The following PCDHGA4 variants were observed in gnomAD, a reference collection of about 807,000 sequenced individuals.
The protein encoded by PCDHGA4 is protocadherin gamma subfamily A, 4.
PCDHGA4 carries 38 observed loss-of-function variants against 54.6 expected under a neutral mutation model. That is an observed-to-expected ratio of 0.70 (90% CI 0.54 to 0.91). The LOEUF is 0.91. Ranked by LOEUF, PCDHGA4 falls within the 40% of genes least tolerant of loss-of-function variation. PCDHGA4 has a pLI of 0.00. For synonymous variants in PCDHGA4, 511 were observed against 512.9 expected (o/e 1.00, Z 0.05); for missense variants, 1,298 against 1,220.9 (o/e 1.06, Z -0.94).
rs774780380 is a variant in PCDHGA4 at position 141,432,864 on chromosome 5, G to C, written c.2515-61943G>C. Reference sequence around the variant, plus strand: ...GTGGTAGCGGTGGCCGCGGTCTCCTGCGTCTTCCTGGCCTTCGTCATCTTG... The same window carrying C: ...GTGGTAGCGGTGGCCGCGGTCTCCTCCGTCTTCCTGGCCTTCGTCATCTTG... On this transcript the variant is annotated intron_variant, in intron 1 of 3. Coordinates refer to ENST00000571252, the MANE Select transcript of PCDHGA4 (RefSeq NM_018917.4). The surrounding 1 kb of genome is among the most constrained non-coding windows in gnomAD (Gnocchi z 6.0). 6.2e-7 allele frequency: 1 copy of C among 1,614,168 alleles called. No homozygotes were observed.
At chr5:141,399,092 G>T (rs573118488) in intron 1 of PCDHGA4, 2 of 1,613,810 alleles carry the variant, frequency 1.2e-6, no homozygotes, top group Non-Finnish European at 1.7e-6. Context: ...GATGGTGGTG[G>T]ACTGGTTGCA....
intron 1 of PCDHGA4, among the ~76,000 whole-genome samples, chr5:141,382,107 C>T (rs1777954814): frequency 6.6e-6 from 1 of 152,002 alleles, no homozygotes; most frequent in Non-Finnish European, 1.5e-5. Flanking sequence ...GGATTACAGG[C>T]GTGAGCAACA....
At position 141,357,349 on chromosome 5, in the gene PCDHGA4, A is replaced by G. The variant is rs1400036867; in HGVS notation, c.2242A>G (p.Arg748Gly). ...FVTVLLALKL[R>G]RWHKSRLLHA... ...CACGGTGCTGCTAGCACTCAAGCTGAGACGCTGGCACAAGTCACGCCTGCT... is the reference window on the plus strand; with the variant it reads ...CACGGTGCTGCTAGCACTCAAGCTGGGACGCTGGCACAAGTCACGCCTGCT... The change falls in exon 1 of 4, where the codon AGA becomes GGA. Residue 748 changes from arginine (R) to glycine (G), a missense_variant. Arg to Gly is a moderately radical substitution (Grantham distance 125). Coordinates refer to ENST00000571252, the MANE Select transcript of PCDHGA4 (RefSeq NM_018917.4). 2.5e-6 allele frequency: 4 copies of G among 1,614,000 alleles called. No homozygotes were observed. In the African/African-American group the frequency reaches 4.0e-5, roughly 16 times the overall value.
intron 2 of PCDHGA4, among the ~76,000 whole-genome samples, chr5:141,502,845 T>G (rs2099816267): frequency 6.8e-6 from 1 of 147,606 alleles, no homozygotes; most frequent in South Asian, 2.1e-4. Context: ...CTGGCTGAGC[T>G]GCCTAACCCT....
intron 1 of PCDHGA4, chr5:141,412,990 C>T: frequency 1.8e-6 from 1 of 569,958 alleles, no homozygotes. Flanking sequence ...AGAGCTCAAT[C>T]CGGATTCTCA....
At chr5:141,420,245 G>T (rs72790042) in intron 1 of PCDHGA4, 1 of 1,584,230 alleles carries the variant, frequency 6.3e-7, no homozygotes, top group East Asian at 2.2e-5. Flanking sequence ...AACTCCCAGC[G>T]TTGAAGCAGA....
rs1478890031 is a variant in PCDHGA4, at chr5:141,478,689, C to G, written c.2515-16118C>G. On this transcript the variant is annotated intron_variant, in intron 1 of 3. Coordinates refer to ENST00000571252, the MANE Select transcript of PCDHGA4 (RefSeq NM_018917.4). Reference sequence around the variant, plus strand: ...CACTTTCAACTGGCCCTTCCTAGATCAAAGTTAGTGCCTTTGTGAGATGGT... The same window carrying G: ...CACTTTCAACTGGCCCTTCCTAGATGAAAGTTAGTGCCTTTGTGAGATGGT... 3 of 1,550,866 alleles carry G rather than the reference C, an allele frequency of 1.9e-6. No homozygotes were observed. In the African/African-American group the frequency reaches 4.1e-5, roughly 21 times the overall value.
Position 141,355,912 on chromosome 5 carries a change from A to G in PCDHGA4, c.805A>G (p.Asn269Asp). Residue 269 changes from asparagine (N) to aspartate (D), a missense_variant, in exon 1 of 4, where the codon AAT becomes GAT. Coordinates refer to ENST00000571252, the MANE Select transcript of PCDHGA4 (RefSeq NM_018917.4). Reference sequence around the variant, plus strand: ...CATAATACTTGTGGATACCAACGATAATGCTCCCGTGTTCACTCAGCCCGA... The same window carrying G: ...CATAATACTTGTGGATACCAACGATGATGCTCCCGTGTTCACTCAGCCCGA... ...ILIILVDTND[N>D]APVFTQPEYH... 2 of 1,613,756 alleles carry G rather than the reference A, an allele frequency of 1.2e-6. No homozygotes were observed. Among genetic ancestry groups the G allele is most frequent in the South Asian group, 1.1e-5 (1 of 91,044 alleles).
chr5:141,389,303 G>A (rs773665051), intron 1 of PCDHGA4: 4 of 1,613,882 alleles, frequency 2.5e-6, no homozygotes, highest in Non-Finnish European at 3.4e-6. Context: ...CACAAGTCAG[G>A]GCTTCTGATC....
At chr5:141,504,147 T>C (rs2099836026) in intron 2 of PCDHGA4, among the ~76,000 whole-genome samples, 1 of 152,198 alleles carries the variant, frequency 6.6e-6, no homozygotes, top group South Asian at 2.1e-4. Flanking sequence ...CCCCTGCAAA[T>C]TGAAATAATT....
In PCDHGA4 at chr5:141,413,327, A is replaced by T. The variant is rs200027912; in HGVS notation, c.2514+55706A>T. ...TTAGAGAAAGGCTCTTTCGTGGGCA[A>T]CATCTCCAAGGACTTGGGTCTGGCG... On this transcript the variant is annotated intron_variant, in intron 1 of 3. Transcript: ENST00000571252. The T allele has an allele frequency of 2.6e-4, 421 of 1,613,984 alleles. 1 individual carries two copies. The highest frequency in any genetic ancestry group is 1.1e-3 in the South Asian group (96 of 91,090).
chr5:141,371,997 C>T (rs772765707), intron 1 of PCDHGA4: 3 of 1,613,232 alleles, frequency 1.9e-6, no homozygotes, highest in East Asian at 2.2e-5. Context: ...TCTGCAGGCC[C>T]GCGACCAGGG....
chr5:141,473,975 G>T (rs188916402), intron 1 of PCDHGA4, among the ~76,000 whole-genome samples: 1 of 152,104 alleles, frequency 6.6e-6, no homozygotes, highest in Non-Finnish European at 1.5e-5. Flanking sequence ...AGTCTGAGGC[G>T]GGAGGATCCC....
At chr5:141,368,272 C>A (rs1227481804) in intron 1 of PCDHGA4, among the ~76,000 whole-genome samples, 1 of 152,064 alleles carries the variant, frequency 6.6e-6, no homozygotes, top group African/African-American at 2.4e-5. Flanking sequence ...ATTAAAGAAC[C>A]TAAGACCACT....
intron 1 of PCDHGA4, among the ~76,000 whole-genome samples, chr5:141,449,061 A>G (rs1280366583): frequency 1.3e-5 from 2 of 152,190 alleles, no homozygotes; most frequent in Non-Finnish European, 2.9e-5. Context: ...AATGAGCGCT[A>G]TTGAATAGCC....
At chr5:141,409,122 T>G (rs1276365021) in intron 1 of PCDHGA4, 1 of 1,614,026 alleles carries the variant, frequency 6.2e-7, no homozygotes, top group South Asian at 1.1e-5. Context: ...AACCAGTCAT[T>G]TGATTTTGAA....
Position 141,486,407 on chromosome 5 carries a change from C to T in PCDHGA4, c.2515-8400C>T. The T allele has an allele frequency of 6.2e-7, 1 of 1,614,134 alleles. No individual in the cohort carries two copies. Among genetic ancestry groups the T allele is most frequent in the African/African-American group, 1.3e-5 (1 of 75,046 alleles). ...CCAGTTCTCCCTGGTGACTGCTGGA[C>T]CCTTGGATCGAGAGGCCAAATCTAG... On this transcript the variant is annotated intron_variant, in intron 1 of 3. Coordinates refer to ENST00000571252, the MANE Select transcript of PCDHGA4 (RefSeq NM_018917.4). This position sits in a 1 kb window ranked among gnomAD's most constrained non-coding sequence, Gnocchi z 5.0.
intron 1 of PCDHGA4, chr5:141,384,020 G>C: frequency 6.2e-7 from 1 of 1,613,730 alleles, no homozygotes; most frequent in Non-Finnish European, 8.5e-7. Context: ...CTACAAGACA[G>C]AGATTCTGGA....
At chr5:141,398,437 C>G (rs2093656645) in intron 1 of PCDHGA4, 20 of 1,556,582 alleles carry the variant, frequency 1.3e-5, no homozygotes, top group Non-Finnish European at 1.8e-5. Flanking sequence ...AGCTTGTGCT[C>G]TGGAATTTGA....
Sources: gnomAD v4.1 joint callset for allele counts (sites outside exome capture counted in the v4.1 genomes callset) on GRCh38, gnomAD v4.1.1 for gene constraint, Gnocchi (gnomAD v3.1) non-coding constraint, MANE v1.5 for transcripts, NCBI Gene and HGNC (gene_info 2026-07-23, HGNC 2026-07-21) for gene names.